The following PPP1R14C variants were observed in gnomAD, a reference collection of about 807,000 sequenced individuals.
The protein encoded by PPP1R14C is protein phosphatase 1 regulatory subunit 14C.
Under a neutral mutation model 20.4 loss-of-function variants are expected in PPP1R14C, and 16 were observed. The ratio of observed to expected loss-of-function variants is 0.78; its 90% CI spans 0.53 to 1.19. The LOEUF is 1.19. Ranked by LOEUF, PPP1R14C falls within the 50% of genes most tolerant of loss-of-function variation. The probability of loss-of-function intolerance (pLI) is 0.00; values close to 1 mark genes in which losing one functional copy is unlikely to be tolerated. For missense variants in PPP1R14C, 211 were observed against 220.1 expected (o/e 0.96, Z 0.26); for synonymous variants, 91 against 91.0 (o/e 1.00, Z 0.00).
chr6:150,210,397 T>C (rs1449421158), intron 1 of PPP1R14C, among the ~76,000 whole-genome samples: 2 of 152,244 alleles, frequency 1.3e-5, no homozygotes, highest in East Asian at 3.8e-4. Context: ...TTCCTCCCTA[T>C]TATCACTATT....
chr6:150,201,199 C>T lies in PPP1R14C; in HGVS notation c.307-13545C>T, dbSNP rs764141779. On this transcript the variant is annotated intron_variant, in intron 1 of 3. Coordinates refer to ENST00000361131, the MANE Select transcript of PPP1R14C (RefSeq NM_030949.3). This position sits in a 1 kb window ranked among gnomAD's most constrained non-coding sequence, Gnocchi z 4.2. The stretch of plus-strand genomic sequence containing the variant: ...GTTATTTTATTTACAAAATGATTAT[C>T]GGGGTCATGTGTCAGGCGCTATCCC... Among the ~76,000 whole-genome samples, 4 of 152,128 alleles carry T rather than the reference C, an allele frequency of 2.6e-5. No individual in the cohort carries two copies. The highest frequency in any genetic ancestry group is 5.9e-5 in the Non-Finnish European group (4 of 68,028).
intron 3 of PPP1R14C, among the ~76,000 whole-genome samples, chr6:150,231,063 G>A (rs568218389): frequency 2.6e-5 from 4 of 152,190 alleles, no homozygotes; most frequent in African/African-American, 7.2e-5. Context: ...GCCCCAAGAC[G>A]GACTAGTGCA....
chr6:150,216,862 C>A lies in PPP1R14C; in HGVS notation c.423+6C>A, dbSNP rs1037384879. On this transcript the variant is annotated splice_donor_region_variant and intron_variant, in intron 3 of 3. Coordinates refer to ENST00000361131, the MANE Select transcript of PPP1R14C (RefSeq NM_030949.3). Reference sequence around the variant, plus strand: ...ACTGCTACAAACCAACAGAGGTAAGCAAATCACTTTTCCTAAATGCCATGT... The same window carrying A: ...ACTGCTACAAACCAACAGAGGTAAGAAAATCACTTTTCCTAAATGCCATGT... 2 of 1,599,946 alleles carry A rather than the reference C, an allele frequency of 1.3e-6. No homozygotes were observed. Among genetic ancestry groups the A allele is most frequent in the Non-Finnish European group, 1.7e-6 (2 of 1,171,986 alleles).
At position 150,245,132 on chromosome 6, in the gene PPP1R14C, C is replaced by A. The variant is rs74978340; in HGVS notation, c.424-3614C>A. The stretch of plus-strand genomic sequence containing the variant: ...TTTCCTGTTCCCCCTCCCCGCCACA[C>A]CCTACTCCCACACTCAGTCCAGCAG... On this transcript the variant is annotated intron_variant, in intron 3 of 3. Coordinates refer to ENST00000361131, the MANE Select transcript of PPP1R14C (RefSeq NM_030949.3). 6.3e-3 allele frequency among the ~76,000 whole-genome samples: 964 copies of A among 152,312 alleles called. 11 individuals are homozygous for A. The highest frequency in any genetic ancestry group is 0.023 in the African/African-American group (935 of 41,546).
At chr6:150,148,036 A>T (rs1334406475) in intron 1 of PPP1R14C, among the ~76,000 whole-genome samples, 1 of 152,224 alleles carries the variant, frequency 6.6e-6, no homozygotes, top group Non-Finnish European at 1.5e-5. Flanking sequence ...ACATAACGTC[A>T]TTAGTGTTTA....
intron 3 of PPP1R14C, among the ~76,000 whole-genome samples, chr6:150,218,024 G>A (rs1778116071): frequency 6.6e-6 from 1 of 152,084 alleles, no homozygotes; most frequent in Admixed American, 6.5e-5. Flanking sequence ...CAGGCTTGGT[G>A]GCCCACACCT....
rs1777693185 is a variant in PPP1R14C, at chr6:150,187,594, A to G, written c.307-27150A>G. ...AGTTTGCTAAGGTTAATGGCCTCCA[A>G]CTCCATCCATGTTTCTGCAGAGGAC... is the stretch of plus-strand genomic sequence containing the variant. On this transcript the variant is annotated intron_variant, in intron 1 of 3. Coordinates refer to ENST00000361131, the MANE Select transcript of PPP1R14C (RefSeq NM_030949.3). 3.3e-5 allele frequency among the ~76,000 whole-genome samples: 5 copies of G among 151,564 alleles called. No individual in the cohort carries two copies. In the South Asian group the frequency reaches 8.4e-4, roughly 25 times the overall value.
At chr6:150,192,223 A>T (rs939077570) in intron 1 of PPP1R14C, among the ~76,000 whole-genome samples, 3 of 152,034 alleles carry the variant, frequency 2.0e-5, no homozygotes, top group Admixed American at 6.6e-5. Context: ...TCTGGCCCAT[A>T]TTATTTGTGT....
intron 1 of PPP1R14C, among the ~76,000 whole-genome samples, chr6:150,200,502 G>A (rs975211): frequency 0.21 from 32,012 of 152,012 alleles, 4,142 homozygotes; most frequent in Non-Finnish European, 0.29. Context: ...TTCTCAGTCT[G>A]GGGAGTGCTC....
chr6:150,212,774 A>G (rs981957118), intron 1 of PPP1R14C, among the ~76,000 whole-genome samples: 2 of 152,160 alleles, frequency 1.3e-5, no homozygotes, highest in African/African-American at 4.8e-5. Context: ...AGATGCGCAA[A>G]TATTTCCCAC....
chr6:150,161,213 G>C (rs2114859475), intron 1 of PPP1R14C, among the ~76,000 whole-genome samples: 1 of 152,072 alleles, frequency 6.6e-6, no homozygotes, highest in East Asian at 1.9e-4. Context: ...CCAGGAGGCA[G>C]AGGTTGCAGT....
At chr6:150,236,403 G>A (rs1241365193) in intron 3 of PPP1R14C, among the ~76,000 whole-genome samples, 1 of 152,186 alleles carries the variant, frequency 6.6e-6, no homozygotes, top group Non-Finnish European at 1.5e-5. Context: ...CATTAAAAAG[G>A]TCCATGCGGT....
intron 1 of PPP1R14C, among the ~76,000 whole-genome samples, chr6:150,151,334 G>A (rs1349656434): frequency 6.6e-6 from 1 of 152,130 alleles, no homozygotes; most frequent in African/African-American, 2.4e-5. Context: ...GTGCACAGTT[G>A]TCCCAGCCCA....
intron 1 of PPP1R14C, among the ~76,000 whole-genome samples, chr6:150,199,765 A>G (rs1235396512): frequency 1.3e-5 from 2 of 152,038 alleles, no homozygotes; most frequent in African/African-American, 4.8e-5. Flanking sequence ...GCTCCTCAGT[A>G]GGTTGAGGCA....
chr6:150,220,455 C>T (rs568264706), intron 3 of PPP1R14C, among the ~76,000 whole-genome samples: 8 of 152,000 alleles, frequency 5.3e-5, no homozygotes, highest in Admixed American at 4.6e-4. Context: ...TATAGGAAAG[C>T]GATTTTAAAT....
rs551143682 is a variant in PPP1R14C at position 150,174,479 on chromosome 6, G to A, written c.306+30981G>A. Among the ~76,000 whole-genome samples the A allele has an allele frequency of 3.4e-3, 522 of 151,992 alleles. 2 individuals carry two copies. The highest frequency in any genetic ancestry group is 6.8e-3 in the Middle Eastern group (2 of 294). ...GATCCGCCCACCTTGGCCTCCCAAA[G>A]TGCTGGGATTACAGGCGTGAGCCAC... On this transcript the variant is annotated intron_variant, in intron 1 of 3. Transcript: ENST00000361131.
rs181117171 is a variant in PPP1R14C at position 150,185,050 on chromosome 6, A to G, written c.307-29694A>G. On this transcript the variant is annotated intron_variant, in intron 1 of 3. Transcript: ENST00000361131. The surrounding 1 kb of genome is among the most constrained non-coding windows in gnomAD (Gnocchi z 4.1). ...TCTGTTGTTGGCTCCTGGCTATCAC[A>G]TTTAGTTACAGGTCTTTCCCCCTTT... 1.3e-5 allele frequency among the ~76,000 whole-genome samples: 2 copies of G among 152,296 alleles called. No homozygotes were observed. Among genetic ancestry groups the G allele is most frequent in the East Asian group, 1.9e-4 (1 of 5,188 alleles).
At chr6:150,231,467 C>T (rs1778295236) in intron 3 of PPP1R14C, among the ~76,000 whole-genome samples, 2 of 152,168 alleles carry the variant, frequency 1.3e-5, no homozygotes, top group South Asian at 2.1e-4. Flanking sequence ...CCGGTTGACA[C>T]TTTGTCTAGT....
intron 1 of PPP1R14C, among the ~76,000 whole-genome samples, chr6:150,169,382 G>C (rs1777473149): frequency 6.6e-6 from 1 of 151,620 alleles, no homozygotes; most frequent in Admixed American, 6.6e-5. Context: ...AGTAGAAGAG[G>C]AAAAAAAATT....
Sources: gnomAD v4.1 joint callset for allele counts (sites outside exome capture counted in the v4.1 genomes callset) on GRCh38, gnomAD v4.1.1 for gene constraint, Gnocchi (gnomAD v3.1) non-coding constraint, MANE v1.5 for transcripts, NCBI Gene and HGNC (gene_info 2026-07-23, HGNC 2026-07-21) for gene names.